Variants in MACROD2 observed in about 807,000 individuals in gnomAD.
MACROD2 encodes ADP-ribose glycohydrolase MACROD2.
Under a neutral mutation model 70.4 loss-of-function variants are expected in MACROD2, and 36 were observed. That is an observed-to-expected ratio of 0.51 (90% CI 0.39 to 0.68). MACROD2 has a LOEUF of 0.68. MACROD2 is among the 30% of genes least tolerant of loss of function. MACROD2 has a pLI of 0.00. For synonymous variants in MACROD2, 172 were observed against 178.8 expected (o/e 0.96, Z 0.30); for missense variants, 496 against 538.4 (o/e 0.92, Z 0.78).
chr20:15,630,466 G>T (rs951457272), intron 8 of MACROD2, among the ~76,000 whole-genome samples: 1 of 152,174 alleles, frequency 6.6e-6, no homozygotes, highest in African/African-American at 2.4e-5. Flanking sequence ...AGTAGTTTTT[G>T]TGACCCTCTC....
chr20:14,012,077 T>G (rs987369623), intron 2 of MACROD2, among the ~76,000 whole-genome samples: 3 of 151,964 alleles, frequency 2.0e-5, no homozygotes, highest in African/African-American at 4.8e-5. Flanking sequence ...CAGCTAAATT[T>G]TGTATTTTTA....
intron 7 of MACROD2, among the ~76,000 whole-genome samples, chr20:15,473,712 A>G (rs1399088574): frequency 3.3e-5 from 5 of 152,212 alleles, no homozygotes; most frequent in Admixed American, 2.6e-4. Context: ...CAATTCCCTT[A>G]GTTTCCAACT....
At chr20:14,476,486 G>T (rs1189465495) in intron 3 of MACROD2, among the ~76,000 whole-genome samples, 2 of 152,142 alleles carry the variant, frequency 1.3e-5, no homozygotes, top group African/African-American at 4.8e-5. Context: ...CTCCCTAGTA[G>T]CTGGGATTAC....
At chr20:15,746,970 C>T (rs1441519896) in intron 8 of MACROD2, among the ~76,000 whole-genome samples, 1 of 152,120 alleles carries the variant, frequency 6.6e-6, no homozygotes, top group Non-Finnish European at 1.5e-5. Flanking sequence ...TGGAATGGCA[C>T]CATCCATGGT....
intron 8 of MACROD2, among the ~76,000 whole-genome samples, chr20:15,631,040 T>A (rs763174191): frequency 1.3e-5 from 2 of 152,254 alleles, no homozygotes; most frequent in Non-Finnish European, 2.9e-5. Context: ...TCTGCCTTTC[T>A]GAATACGTAA....
chr20:15,882,279 G>C (rs2064765640), intron 9 of MACROD2, among the ~76,000 whole-genome samples: 1 of 152,070 alleles, frequency 6.6e-6, no homozygotes, highest in Non-Finnish European at 1.5e-5. Context: ...CTTCTTCATA[G>C]GGGAGTGGAC....
chr20:15,221,095 A>G (rs2076857114), intron 5 of MACROD2, among the ~76,000 whole-genome samples: 1 of 152,176 alleles, frequency 6.6e-6, no homozygotes, highest in Non-Finnish European at 1.5e-5. Flanking sequence ...TTACCCTTGC[A>G]GTGGGGACTA....
chr20:15,407,236 G>A lies in MACROD2; in HGVS notation c.541-24169G>A, dbSNP rs55699939. Among the ~76,000 whole-genome samples, 229 of 152,230 alleles carry A rather than the reference G, an allele frequency of 1.5e-3. 1 individual carries two copies. The highest frequency in any genetic ancestry group is 2.7e-3 in the Non-Finnish European group (182 of 68,020). On this transcript the variant is annotated intron_variant, in intron 6 of 17. Coordinates refer to ENST00000684519, the MANE Select transcript of MACROD2 (RefSeq NM_001351661.2). ...GGTTGTGCTTTGTTCAGTTACAGGCGAGCCAGAAATGCAGAGTTAGCCAGC... is the reference window on the plus strand; with the variant it reads ...GGTTGTGCTTTGTTCAGTTACAGGCAAGCCAGAAATGCAGAGTTAGCCAGC...
chr20:14,287,134 A>G (rs550164007), intron 3 of MACROD2, among the ~76,000 whole-genome samples: 17 of 152,274 alleles, frequency 1.1e-4, no homozygotes, highest in African/African-American at 3.4e-4. Flanking sequence ...TTCTTCCCCA[A>G]TGAGGCATGA....
At chr20:14,238,186 A>C (rs1011114344) in intron 3 of MACROD2, among the ~76,000 whole-genome samples, 1 of 152,160 alleles carries the variant, frequency 6.6e-6, no homozygotes, top group Admixed American at 6.6e-5. Context: ...TCCTATTTCA[A>C]AAGCTAATCC....
intron 6 of MACROD2, among the ~76,000 whole-genome samples, chr20:15,241,906 G>T (rs1183415882): frequency 6.6e-6 from 1 of 152,082 alleles, no homozygotes; most frequent in Non-Finnish European, 1.5e-5. Context: ...ATGTTCTGTT[G>T]CTCACAATAG....
intron 2 of MACROD2, among the ~76,000 whole-genome samples, chr20:14,040,622 A>G (rs750195125): frequency 3.9e-5 from 6 of 152,168 alleles, no homozygotes; most frequent in Non-Finnish European, 8.8e-5. Flanking sequence ...AAGTTGCTCT[A>G]AGTGAGTGAG....
chr20:14,620,187 A>C (rs935617597), intron 4 of MACROD2, among the ~76,000 whole-genome samples: 4 of 152,022 alleles, frequency 2.6e-5, no homozygotes, highest in Non-Finnish European at 5.9e-5. Context: ...TGAAGTGTGC[A>C]TAAGGATGAT....
intron 8 of MACROD2, among the ~76,000 whole-genome samples, chr20:15,717,382 A>G (rs1568990782): frequency 6.6e-6 from 1 of 152,206 alleles, no homozygotes; most frequent in Non-Finnish European, 1.5e-5. Context: ...AGTGTATATG[A>G]AAGAGGTGAA....
chr20:14,619,400 A>G (rs1232353302), intron 4 of MACROD2, among the ~76,000 whole-genome samples: 14 of 78,342 alleles, frequency 1.8e-4, no homozygotes, highest in South Asian at 5.6e-4. Context: ...AGGAGGGGGG[A>G]GGAAGGAAGG....
chr20:14,426,978 C>T (rs575194295), intron 3 of MACROD2, among the ~76,000 whole-genome samples: 36 of 152,156 alleles, frequency 2.4e-4, no homozygotes, highest in Non-Finnish European at 4.6e-4. Flanking sequence ...TTCAGCAAAT[C>T]GTTGTTATTT....
chr20:15,670,943 G>T (rs2049971595), intron 8 of MACROD2, among the ~76,000 whole-genome samples: 1 of 150,938 alleles, frequency 6.6e-6, no homozygotes, highest in Non-Finnish European at 1.5e-5. Context: ...GAAGATCTGA[G>T]CTGTGTTTTA....
chr20:16,032,265 G>C (rs1429586865), intron 15 of MACROD2, among the ~76,000 whole-genome samples: 1 of 151,904 alleles, frequency 6.6e-6, no homozygotes, highest in African/African-American at 2.4e-5. Flanking sequence ...GGTGGAGGGA[G>C]TGGAGTGGGT....
chr20:14,442,937 G>A (rs1158300744), intron 3 of MACROD2, among the ~76,000 whole-genome samples: 6 of 151,978 alleles, frequency 3.9e-5, no homozygotes, highest in East Asian at 2.0e-4. Flanking sequence ...AATTTAGCCC[G>A]GTGTGGTGGC....
Sources: gnomAD v4.1 joint callset for allele counts (sites outside exome capture counted in the v4.1 genomes callset) on GRCh38, gnomAD v4.1.1 for gene constraint, MANE v1.5 for transcripts, NCBI Gene and HGNC (gene_info 2026-07-23, HGNC 2026-07-21) for gene names.